Variants in ECM2 observed in about 807,000 individuals in gnomAD.
The protein encoded by ECM2 is extracellular matrix protein 2, female organ and adipocyte specific.
Under a neutral mutation model 67.5 loss-of-function variants are expected in ECM2, and 57 were observed. That is an observed-to-expected ratio of 0.84 (90% CI 0.68 to 1.05). The LOEUF is 1.05. ECM2 is among the 50% of genes least tolerant of loss of function. The pLI is 0.00. For missense variants in ECM2, 741 were observed against 822.8 expected, an observed-to-expected ratio of 0.90 and a Z score of 1.22; for synonymous variants, 258 against 294.5, an observed-to-expected ratio of 0.88 and a Z score of 1.27.
chr9:92,557,705 C>T, the ECM2 span, among the ~76,000 whole-genome samples: 3 of 152,134 alleles, frequency 2.0e-5, no homozygotes, highest in Admixed American at 1.3e-4. Context: ...TGCAGTGGCA[C>T]GATCTCGTCT....
intron 1 of ECM2, among the ~76,000 whole-genome samples, chr9:92,526,249 TA>T (rs1296529501): frequency 6.6e-6 from 1 of 152,072 alleles, no homozygotes; most frequent in Non-Finnish European, 1.5e-5. Flanking sequence ...TTTGAAAAGT[TA>T]AAAAATAAAA....
Position 92,495,677 on chromosome 9 carries a change from A to G in ECM2, c.*638T>C. The G allele has an allele frequency of 2.3e-6, 2 of 886,966 alleles. No homozygotes were observed. Among genetic ancestry groups the G allele is most frequent in the Non-Finnish European group, 2.7e-6 (2 of 740,304 alleles). 54.9% of individuals were successfully genotyped at this position (886,966 alleles called of 1,614,324 possible). A position where few individuals can be genotyped will look rare whatever the true frequency, so the allele number is the denominator to read the frequency against. Reference sequence around the variant, plus strand: ...TAGAATTTATGCACACCCTTCTGCCAGCTTTCCTTAATGTTAACAATGTAC... The same window carrying G: ...TAGAATTTATGCACACCCTTCTGCCGGCTTTCCTTAATGTTAACAATGTAC... On this transcript the variant is annotated 3_prime_UTR_variant, in exon 10 of 10. Transcript: ENST00000344604.
chr9:92,552,518 T>C, the ECM2 span, among the ~76,000 whole-genome samples: 1 of 152,092 alleles, frequency 6.6e-6, no homozygotes, highest in Non-Finnish European at 1.5e-5. Flanking sequence ...TGTTTTTTGA[T>C]TTTTTTATTA....
chr9:92,519,267 C>T (rs904257942), intron 2 of ECM2, among the ~76,000 whole-genome samples: 6 of 152,190 alleles, frequency 3.9e-5, no homozygotes, highest in African/African-American at 1.2e-4. Context: ...AAAAGCACTA[C>T]ACTCTATCAA....
At chr9:92,520,047 CAAGG>C in intron 2 of ECM2, among the ~76,000 whole-genome samples, 1 of 150,938 alleles carries the variant, frequency 6.6e-6, no homozygotes, top group Non-Finnish European at 1.5e-5. Context: ...TTTGGGAGGC[CAAGG>C]AGGGAAGATT....
the ECM2 span, among the ~76,000 whole-genome samples, chr9:92,552,517 A>AT: frequency 1.3e-5 from 2 of 151,662 alleles, no homozygotes; most frequent in African/African-American, 4.8e-5. Context: ...CTGTTTTTTG[A>AT]TTTTTTTATT....
chr9:92,507,530 G>A (rs1847078519), intron 6 of ECM2, among the ~76,000 whole-genome samples: 1 of 152,206 alleles, frequency 6.6e-6, no homozygotes, highest in African/African-American at 2.4e-5. Context: ...AACGTTTCTT[G>A]TAGGTGAGAC....
chr9:92,533,776 G>A (rs78881488), intron 1 of ECM2, among the ~76,000 whole-genome samples: 17,730 of 151,986 alleles, frequency 0.12, 1,123 homozygotes, highest in Middle Eastern at 0.15. Flanking sequence ...ACAGAATTAC[G>A]GTTTCAAAAT....
rs557458135 is a variant in ECM2, at chr9:92,496,062, A to G, written c.*253T>C. 81 of 1,099,324 alleles carry G rather than the reference A, an allele frequency of 7.4e-5. No homozygotes were observed. The African/African-American group carries it at 1.2e-3, about 16-fold the overall frequency. The allele number at this position is 1,099,324 out of a possible 1,614,324, so 68.1% of individuals were successfully genotyped here. ...TCTGGTCTAGCTCAGTATGCATAAT[A>G]TCCTATTCTAGTGAGATGGCCTCTT... On this transcript the variant is annotated 3_prime_UTR_variant, in exon 10 of 10. Transcript: ENST00000344604.
At chr9:92,558,638 C>T in the ECM2 span, among the ~76,000 whole-genome samples, 1 of 152,058 alleles carries the variant, frequency 6.6e-6, no homozygotes, top group Admixed American at 6.6e-5. Flanking sequence ...GGTGATGCTT[C>T]CTGGAAGGCA....
intron 1 of ECM2, among the ~76,000 whole-genome samples, chr9:92,528,209 C>T (rs1028218290): frequency 1.3e-5 from 2 of 152,136 alleles, no homozygotes; most frequent in African/African-American, 4.8e-5. Context: ...AAACATTAAA[C>T]AAAGAGCAGT....
At chr9:92,519,387 A>G (rs1236063125) in intron 2 of ECM2, among the ~76,000 whole-genome samples, 2 of 152,202 alleles carry the variant, frequency 1.3e-5, no homozygotes, top group Non-Finnish European at 2.9e-5. Flanking sequence ...ACAAAGTTGG[A>G]GATCTCACAC....
intron 2 of ECM2, 80 bp downstream of exon 2, chr9:92,522,495 C>T: frequency 7.6e-7 from 1 of 1,312,138 alleles, no homozygotes; most frequent in Non-Finnish European, 1.0e-6. Flanking sequence ...TTCTCCCTCT[C>T]TCCCTCTCTC....
intron 2 of ECM2, among the ~76,000 whole-genome samples, chr9:92,521,839 A>G (rs1848088476): frequency 6.6e-6 from 1 of 152,156 alleles, no homozygotes; most frequent in African/African-American, 2.4e-5. Context: ...TGAATAATTT[A>G]TTTCTGTATT....
the ECM2 span, among the ~76,000 whole-genome samples, chr9:92,548,059 A>C: frequency 6.6e-6 from 1 of 152,224 alleles, no homozygotes; most frequent in Non-Finnish European, 1.5e-5. Flanking sequence ...AATTACTAAA[A>C]TTATCTTTAG....
At chr9:92,500,622 T>C in intron 9 of ECM2, 105 bp downstream of exon 9, 1 of 1,068,754 alleles carries the variant, frequency 9.4e-7, no homozygotes, top group Non-Finnish European at 1.3e-6. Flanking sequence ...CTTAGCACCA[T>C]TTTTTTTTCC....
At chr9:92,498,635 G>A (rs1157258708) in intron 9 of ECM2, among the ~76,000 whole-genome samples, 1 of 152,052 alleles carries the variant, frequency 6.6e-6, no homozygotes, top group Non-Finnish European at 1.5e-5. Context: ...ATATTAAGTT[G>A]TTGACATATT....
At chr9:92,535,398 T>C (rs570617015) in intron 1 of ECM2, among the ~76,000 whole-genome samples, 1 of 152,306 alleles carries the variant, frequency 6.6e-6, no homozygotes, top group African/African-American at 2.4e-5. Context: ...AATCATAGTA[T>C]CATTTTTATC....
intron 1 of ECM2, among the ~76,000 whole-genome samples, chr9:92,528,778 A>G (rs1416407826): frequency 6.6e-6 from 1 of 152,222 alleles, no homozygotes; most frequent in Non-Finnish European, 1.5e-5. Flanking sequence ...TAAACTGCGT[A>G]CAATAACTTG....
Sources: allele counts gnomAD v4.1 joint callset (sites outside exome capture counted in the v4.1 genomes callset), GRCh38; gene constraint gnomAD v4.1.1; transcripts MANE v1.5; gene names NCBI Gene and HGNC (gene_info 2026-07-23, HGNC 2026-07-21).